The following CAMSAP2 variants were observed in gnomAD, a reference collection of about 807,000 sequenced individuals.
CAMSAP2 encodes the protein calmodulin-regulated spectrin-associated protein 2.
A neutral mutation model predicts 146.1 loss-of-function variants in CAMSAP2; 26 were observed. The observed-to-expected ratio is 0.18, with a 90% CI of 0.13 to 0.25. The LOEUF (loss-of-function observed/expected upper bound fraction) is 0.25. Among genes scored for constraint, CAMSAP2 ranks in the 10% least tolerant of loss-of-function variants. The probability of loss-of-function intolerance (pLI) is 1.00; values close to 1 mark genes in which losing one functional copy is unlikely to be tolerated. For synonymous variants in CAMSAP2, 499 were observed against 596.6 expected, an observed-to-expected ratio of 0.84 and a Z score of 2.38; for missense variants, 1,381 against 1,759.3, an observed-to-expected ratio of 0.78 and a Z score of 3.85.
At chr1:200,779,218 CT>C (rs1346529293) in intron 2 of CAMSAP2, among the ~76,000 whole-genome samples, 1 of 152,134 alleles carries the variant, frequency 6.6e-6, no homozygotes, top group Non-Finnish European at 1.5e-5. Context: ...GCCCCAATCC[CT>C]TGTTGATGAA....
chr1:200,833,520 A>G (rs1330442463), intron 6 of CAMSAP2, among the ~76,000 whole-genome samples: 3 of 152,106 alleles, frequency 2.0e-5, no homozygotes, highest in East Asian at 3.9e-4. Context: ...AGATCGCGCC[A>G]CTGCACCCTA....
intron 9 of CAMSAP2, 71 bp from the exon 10 acceptor site, chr1:200,847,568 GA>G (rs1336881329): frequency 8.6e-7 from 1 of 1,157,184 alleles, no homozygotes; most frequent in African/African-American, 1.5e-5. Flanking sequence ...TCAAATACAT[GA>G]AATCTCCTAA....
At chr1:200,812,727 GCA>G (rs1208413712) in intron 3 of CAMSAP2, among the ~76,000 whole-genome samples, 1 of 152,056 alleles carries the variant, frequency 6.6e-6, no homozygotes, top group African/African-American at 2.4e-5. Flanking sequence ...ACTTAAAAAA[GCA>G]AAATCACAGA....
At chr1:200,755,124 C>T (rs985064316) in intron 1 of CAMSAP2, among the ~76,000 whole-genome samples, 3 of 152,166 alleles carry the variant, frequency 2.0e-5, no homozygotes, top group Admixed American at 6.5e-5. Context: ...CTTATACTTT[C>T]CCTGCTCCAG....
Position 200,857,175 on chromosome 1 carries a change from C to T in CAMSAP2, c.4013-131C>T. On this transcript the variant is annotated intron_variant, in intron 15 of 16. Coordinates refer to ENST00000358823, the MANE Select transcript of CAMSAP2 (RefSeq NM_203459.4). The surrounding 1 kb of genome is among the most constrained non-coding windows in gnomAD (Gnocchi z 4.7). ...TGGTTGGATTGCAGCCAGTAAGAGG[C>T]CTTTAAGCACAGAATTTGGTCTTCT... 1 of 689,550 alleles carries T rather than the reference C, an allele frequency of 1.5e-6. No individual in the cohort carries two copies. Among genetic ancestry groups the T allele is most frequent in the Non-Finnish European group, 2.6e-6 (1 of 391,724 alleles). 42.7% of individuals were successfully genotyped at this position (689,550 alleles called of 1,614,324 possible).
At chr1:200,768,298 G>A (rs1433992624) in intron 2 of CAMSAP2, among the ~76,000 whole-genome samples, 2 of 152,200 alleles carry the variant, frequency 1.3e-5, no homozygotes, top group Admixed American at 1.3e-4. Context: ...ATAATGGGAT[G>A]TTAAAAGGGA....
At chr1:200,831,301 G>A (rs1667036948) in intron 4 of CAMSAP2, among the ~76,000 whole-genome samples, 1 of 152,160 alleles carries the variant, frequency 6.6e-6, no homozygotes, top group Non-Finnish European at 1.5e-5. Flanking sequence ...ATAGCACTTT[G>A]TGTCCATCAT....
chr1:200,827,673 A>G (rs1345651758), intron 4 of CAMSAP2, among the ~76,000 whole-genome samples: 1 of 150,048 alleles, frequency 6.7e-6, no homozygotes, highest in Non-Finnish European at 1.5e-5. Flanking sequence ...AAAATACCTT[A>G]TTTATATTAT....
intron 1 of CAMSAP2, among the ~76,000 whole-genome samples, chr1:200,746,449 T>C (rs554378013): frequency 6.6e-6 from 1 of 152,254 alleles, no homozygotes; most frequent in East Asian, 1.9e-4. Context: ...AGTGTATGTG[T>C]TTAAGAGCGG....
At chr1:200,847,316 GA>G in intron 9 of CAMSAP2, 24 bp downstream of exon 9, 1 of 1,503,996 alleles carries the variant, frequency 6.6e-7, no homozygotes. Context: ...AAAAGCCTAG[GA>G]AAATACTCTT....
chr1:200,806,946 C>T (rs1666194321), intron 2 of CAMSAP2, among the ~76,000 whole-genome samples: 1 of 152,126 alleles, frequency 6.6e-6, no homozygotes, highest in East Asian at 1.9e-4. Context: ...ATGTTTGGGT[C>T]TGAATTGGAA....
intron 11 of CAMSAP2, among the ~76,000 whole-genome samples, chr1:200,851,455 A>G (rs954759440): frequency 2.6e-5 from 4 of 152,200 alleles, no homozygotes; most frequent in African/African-American, 7.2e-5. Flanking sequence ...TCAGCCTCCC[A>G]AAGTGCTGGG....
At position 200,853,420 on chromosome 1, in the gene CAMSAP2, C is replaced by CA; in HGVS notation, c.3756dup (p.Gln1253ThrfsTer12). 2 of 1,612,822 alleles carry CA rather than the reference C, an allele frequency of 1.2e-6. No homozygotes were observed. The highest frequency in any genetic ancestry group is 1.7e-6 in the Non-Finnish European group (2 of 1,179,316). ...TAAACCCCGTCCTCAAGTAGTAAAA[C>CA]AAAAAAAACAGCGACCAAAATCTAT... On this transcript the variant is annotated frameshift_variant, in exon 13 of 17. Coordinates refer to ENST00000358823, the MANE Select transcript of CAMSAP2 (RefSeq NM_203459.4). LOFTEE classifies it high-confidence loss of function. The surrounding 1 kb of genome is among the most constrained non-coding windows in gnomAD (Gnocchi z 5.1).
At chr1:200,748,002 A>G (rs534052112) in intron 1 of CAMSAP2, among the ~76,000 whole-genome samples, 7 of 151,692 alleles carry the variant, frequency 4.6e-5, no homozygotes, top group South Asian at 2.1e-4. Flanking sequence ...AAAAAAAAAA[A>G]AAAGAAAATG....
In CAMSAP2 at chr1:200,739,283, C is replaced by T. The variant is rs1023173114; in HGVS notation, c.-545C>T. ...GGGCCAGCTCGCCCCGCGCTTCCCC[C>T]TCGTCCTGCTCGTCCCTCCGCCCAC... On this transcript the variant is annotated 5_prime_UTR_variant, in exon 1 of 17. Coordinates refer to ENST00000358823, the MANE Select transcript of CAMSAP2 (RefSeq NM_203459.4). This position sits in a 1 kb window ranked among gnomAD's most constrained non-coding sequence, Gnocchi z 4.8. Among the ~76,000 whole-genome samples the T allele has an allele frequency of 8.5e-5, 13 of 152,152 alleles. No individual in the cohort carries two copies. The highest frequency in any genetic ancestry group is 6.5e-5 in the Admixed American group (1 of 15,282).
chr1:200,792,432 A>G (rs1173113360), intron 2 of CAMSAP2, among the ~76,000 whole-genome samples: 2 of 151,980 alleles, frequency 1.3e-5, no homozygotes, highest in Non-Finnish European at 2.9e-5. Context: ...AGAGTTTGAG[A>G]TCGGGAGTTT....
At chr1:200,766,878 T>C (rs1353112550) in intron 2 of CAMSAP2, among the ~76,000 whole-genome samples, 1 of 152,194 alleles carries the variant, frequency 6.6e-6, no homozygotes, top group East Asian at 1.9e-4. Context: ...TAATTTCCCC[T>C]CTCTGTTCCA....
chr1:200,773,249 T>TTTTA (rs1003203777), intron 2 of CAMSAP2, among the ~76,000 whole-genome samples: 18 of 152,126 alleles, frequency 1.2e-4, no homozygotes, highest in East Asian at 1.9e-4. Flanking sequence ...CATTTTTTAT[T>TTTTA]TTTATTTATT....
intron 1 of CAMSAP2, among the ~76,000 whole-genome samples, chr1:200,745,390 G>T (rs1209745195): frequency 1.4e-5 from 2 of 145,022 alleles, no homozygotes; most frequent in East Asian, 2.0e-4. Flanking sequence ...ATCTAAAAAG[G>T]TTTTTTTTTT....
Sources: allele counts gnomAD v4.1 joint callset (sites outside exome capture counted in the v4.1 genomes callset), GRCh38; gene constraint gnomAD v4.1.1; non-coding constraint Gnocchi (gnomAD v3.1); transcripts MANE v1.5; gene names NCBI Gene and HGNC (gene_info 2026-07-23, HGNC 2026-07-21).